The following SRP72 variants were observed in gnomAD, a reference collection of about 807,000 sequenced individuals.
SRP72 encodes signal recognition particle 72, also known as signal recognition particle subunit SRP72.
SRP72 carries 49 observed loss-of-function variants against 96.3 expected under a neutral mutation model. The observed-to-expected ratio is 0.51, with a 90% CI of 0.40 to 0.65. The LOEUF (loss-of-function observed/expected upper bound fraction) is 0.65, where lower values mean the gene tolerates loss of function less well. Among genes scored for constraint, SRP72 ranks in the 30% least tolerant of loss-of-function variants. The probability of loss-of-function intolerance (pLI) is 0.00; values close to 1 mark genes in which losing one functional copy is unlikely to be tolerated. For synonymous variants in SRP72, 267 were observed against 275.2 expected, an observed-to-expected ratio of 0.97 and a Z score of 0.30; for missense variants, 736 against 793.3, an observed-to-expected ratio of 0.93 and a Z score of 0.87.
At chr4:56,476,730 A>T (rs1252418388) in intron 6 of SRP72, 28 bp downstream of exon 6, 5 of 1,608,426 alleles carry the variant, frequency 3.1e-6, no homozygotes, top group Non-Finnish European at 4.2e-6. Context: ...GTTAAACCTA[A>T]ATTTTACACT....
At chr4:56,494,326 A>G (rs1721004976) in intron 16 of SRP72, among the ~76,000 whole-genome samples, 1 of 151,034 alleles carries the variant, frequency 6.6e-6, no homozygotes, top group Non-Finnish European at 1.5e-5. Context: ...ACTGTTTCAT[A>G]TTTCTCGAGT....
chr4:56,481,329 A>G (rs1720475532), intron 8 of SRP72, among the ~76,000 whole-genome samples: 1 of 152,230 alleles, frequency 6.6e-6, no homozygotes, highest in African/African-American at 2.4e-5. Flanking sequence ...ATTGTTTTAC[A>G]AAGCTAGAGT....
At chr4:56,490,036 A>G (rs1720853814) in intron 13 of SRP72, among the ~76,000 whole-genome samples, 1 of 151,426 alleles carries the variant, frequency 6.6e-6, no homozygotes, top group African/African-American at 2.4e-5. Context: ...TTTGAGAACT[A>G]TGGTGGCATA....
chr4:56,478,376 T>C lies in SRP72; in HGVS notation c.643-3T>C. 1 of 1,566,530 alleles carries C rather than the reference T, an allele frequency of 6.4e-7. No homozygotes were observed. Among genetic ancestry groups the C allele is most frequent in the Non-Finnish European group, 8.6e-7 (1 of 1,161,222 alleles). Reference sequence around the variant, plus strand: ...ATATGGGAAAAACATTTCTTTCTCTTAGGATGGGACTGAGGAAGACCCACA... The same window carrying C: ...ATATGGGAAAAACATTTCTTTCTCTCAGGATGGGACTGAGGAAGACCCACA... On this transcript the variant is annotated splice_polypyrimidine_tract_variant and splice_region_variant and intron_variant, in intron 6 of 18. Transcript: ENST00000642900.
chr4:56,495,411 G>C lies in SRP72; in HGVS notation c.1678+17G>C. ...AAAAGAAGGGTAAGGCATTAAAAAA[G>C]TCTTTATAAATTTTCTCCAAAATAA... On this transcript the variant is annotated intron_variant, in intron 17 of 18. Transcript: ENST00000642900. The C allele has an allele frequency of 6.8e-7, 1 of 1,466,072 alleles. No individual in the cohort carries two copies. Among genetic ancestry groups the C allele is most frequent in the Non-Finnish European group, 9.4e-7 (1 of 1,062,158 alleles). The allele number at this position is 1,466,072 out of a possible 1,614,324, so 90.8% of individuals were successfully genotyped here.
rs185318900 is a variant in SRP72 at position 56,502,864 on chromosome 4, A to T, written c.*1003A>T. 226 of 152,274 alleles carry T rather than the reference A, an allele frequency of 1.5e-3. 1 individual carries two copies. The highest frequency in any genetic ancestry group is 5.3e-3 in the African/African-American group (220 of 41,560). 9.4% of individuals were successfully genotyped at this position (152,274 alleles called of 1,614,324 possible). A position where few individuals can be genotyped will look rare whatever the true frequency, so the allele number is the denominator to read the frequency against. On this transcript the variant is annotated 3_prime_UTR_variant, in exon 19 of 19. Coordinates refer to ENST00000642900, the MANE Select transcript of SRP72 (RefSeq NM_006947.4). ...GACCATTGATTACCTTTCTCAATGT[A>T]ATGAAGTATTTTACAGTCAATTTGT...
At chr4:56,472,176 C>T (rs1051474113) in intron 3 of SRP72, among the ~76,000 whole-genome samples, 3 of 152,030 alleles carry the variant, frequency 2.0e-5, no homozygotes, top group African/African-American at 7.2e-5. Context: ...TAATATTTTA[C>T]TCTAAGGATG....
intron 16 of SRP72, among the ~76,000 whole-genome samples, chr4:56,493,622 T>C (rs909193782): frequency 1.3e-5 from 2 of 152,008 alleles, no homozygotes; most frequent in Non-Finnish European, 2.9e-5. Context: ...CCCAGCACTT[T>C]GGGAGGCCAA....
chr4:56,479,284 A>G (rs1157158190), intron 8 of SRP72, among the ~76,000 whole-genome samples: 1 of 151,936 alleles, frequency 6.6e-6, no homozygotes, highest in Non-Finnish European at 1.5e-5. Context: ...CGTTCACGCC[A>G]TTCTCCTGCC....
In SRP72 at chr4:56,476,786, CT is replaced by C. The variant is rs1237087009; in HGVS notation, c.642+91del. ...GAGGCTTCATTGTACTATTTATTGA[CT>C]TTTTTTAGAAGATGGCAATTCATTA... On this transcript the variant is annotated intron_variant, in intron 6 of 18. Transcript: ENST00000642900. 22 of 1,424,504 alleles carry C rather than the reference CT, an allele frequency of 1.5e-5. No homozygotes were observed. The South Asian group carries it at 2.2e-4, about 14-fold the overall frequency. 88.2% of individuals were successfully genotyped at this position (1,424,504 alleles called of 1,614,324 possible).
Position 56,478,748 on chromosome 4 carries a change from C to G in SRP72, c.825+99C>G, listed in dbSNP as rs1578182198. On this transcript the variant is annotated intron_variant, in intron 8 of 18. Coordinates refer to ENST00000642900, the MANE Select transcript of SRP72 (RefSeq NM_006947.4). Reference sequence around the variant, plus strand: ...AGGATAGCCTAAGTGTTCTTTTTAACATGATGAAAAAAGTCCAGTTGTAGC... The same window carrying G: ...AGGATAGCCTAAGTGTTCTTTTTAAGATGATGAAAAAAGTCCAGTTGTAGC... The G allele has an allele frequency of 3.1e-6, 4 of 1,270,478 alleles. No homozygotes were observed. The East Asian group carries it at 9.6e-5, about 31-fold the overall frequency. 78.7% of individuals were successfully genotyped at this position (1,270,478 alleles called of 1,614,324 possible).
At chr4:56,492,683 A>G (rs550834075) in intron 16 of SRP72, among the ~76,000 whole-genome samples, 2 of 152,362 alleles carry the variant, frequency 1.3e-5, no homozygotes, top group East Asian at 3.9e-4. Context: ...TTAATAAGGA[A>G]TTGGAGTCTC....
intron 12 of SRP72, 53 bp downstream of exon 12, chr4:56,488,066 G>A: frequency 8.1e-7 from 1 of 1,236,876 alleles, no homozygotes; most frequent in South Asian, 1.3e-5. Context: ...TAATTTGTAT[G>A]TCTAATGTGT....
At chr4:56,477,269 T>C (rs966705637) in intron 6 of SRP72, 4 of 151,280 alleles carry the variant, frequency 2.6e-5, no homozygotes, top group African/African-American at 9.7e-5. Context: ...ATATGTCTCT[T>C]TTCACATTCA....
rs1719978050 is a variant in SRP72, at chr4:56,471,626, A to G, written c.231-94A>G. On this transcript the variant is annotated intron_variant, in intron 2 of 18. Transcript: ENST00000642900. ...TTTGTCAGTTTTCTCATCTGTTATC[A>G]GGACTAAATCCAGTGTTTAGAGTGG... 2.1e-6 allele frequency: 3 copies of G among 1,413,318 alleles called. No individual in the cohort carries two copies. The African/African-American group carries it at 4.4e-5, about 20-fold the overall frequency. The allele number at this position is 1,413,318 out of a possible 1,614,324, so 87.5% of individuals were successfully genotyped here. A position where few individuals can be genotyped will look rare whatever the true frequency, so the allele number is the denominator to read the frequency against.
chr4:56,472,188 C>A (rs1720003316), intron 3 of SRP72, among the ~76,000 whole-genome samples: 1 of 151,948 alleles, frequency 6.6e-6, no homozygotes, highest in South Asian at 2.1e-4. Flanking sequence ...CTAAGGATGT[C>A]ATGATAGATA....
intron 10 of SRP72, 196 bp from the exon 11 acceptor site, chr4:56,486,129 T>C (rs572963584): frequency 1.7e-4 from 76 of 459,864 alleles, no homozygotes; most frequent in African/African-American, 1.4e-3. Context: ...TCATTGCACT[T>C]ACTTTTAGAG....
At position 56,467,696 on chromosome 4, in the gene SRP72, T is replaced by A. The variant is rs1432110208; in HGVS notation, c.61T>A (p.Tyr21Asn). 6.4e-7 allele frequency: 1 copy of A among 1,563,178 alleles called. No homozygotes were observed. The highest frequency in any genetic ancestry group is 8.6e-7 in the Non-Finnish European group (1 of 1,157,526). ...VPALWSEVNR[Y>N]GQNGDFTRAL... Reference sequence around the variant, plus strand: ...TGCGCTGTGGAGTGAAGTGAACCGGTATGGCCAGAACGGCGACTTCACGCG... The same window carrying A: ...TGCGCTGTGGAGTGAAGTGAACCGGAATGGCCAGAACGGCGACTTCACGCG... Residue 21 changes from tyrosine to asparagine, a missense_variant, in exon 1 of 19, where the codon TAT (tyrosine) becomes AAT (asparagine). Transcript: ENST00000642900.
At chr4:56,478,806 C>T (rs536112838) in intron 8 of SRP72, among the ~76,000 whole-genome samples, 157 bp downstream of exon 8, 2 of 152,234 alleles carry the variant, frequency 1.3e-5, no homozygotes, top group East Asian at 3.9e-4. Context: ...CTTAACTCTC[C>T]TAATGATAAT....
Sources: allele counts gnomAD v4.1 joint callset (sites outside exome capture counted in the v4.1 genomes callset), GRCh38; gene constraint gnomAD v4.1.1; transcripts MANE v1.5; gene names NCBI Gene and HGNC (gene_info 2026-07-23, HGNC 2026-07-21).